Variants in ZNF423 observed in about 807,000 individuals in gnomAD.
ZNF423 encodes the protein Ebf-associated zinc finger protein.
ZNF423 carries 12 observed loss-of-function variants against 95.8 expected under a neutral mutation model. The ratio of observed to expected loss-of-function variants is 0.13; its 90% confidence interval spans 0.08 to 0.20. The LOEUF (loss-of-function observed/expected upper bound fraction) is 0.20, where lower values mean the gene tolerates loss of function less well. ZNF423 is among the 10% of genes least tolerant of loss of function. The pLI is 1.00. For missense variants in ZNF423, 1,316 were observed against 1,737.1 expected (o/e 0.76, Z 4.31); for synonymous variants, 749 against 711.9 (o/e 1.05, Z -0.83).
At chr16:49,604,160 G>A (rs1567498145) in intron 5 of ZNF423, among the ~76,000 whole-genome samples, 1 of 152,210 alleles carries the variant, frequency 6.6e-6, no homozygotes, top group Non-Finnish European at 1.5e-5. Context: ...TCAGCACCCC[G>A]CTGGCGGGCA....
chr16:49,705,754 G>A (rs1439231759), intron 3 of ZNF423, among the ~76,000 whole-genome samples: 4 of 151,730 alleles, frequency 2.6e-5, no homozygotes. Context: ...CGCCATGTTG[G>A]CTGGGCTGGT....
intron 2 of ZNF423, among the ~76,000 whole-genome samples, chr16:49,775,262 A>G (rs951348775): frequency 6.6e-6 from 1 of 152,234 alleles, no homozygotes; most frequent in African/African-American, 2.4e-5. Context: ...ATTCCTCAGC[A>G]TTCCAAGCCA....
chr16:49,808,780 C>T (rs895456613), intron 1 of ZNF423, among the ~76,000 whole-genome samples: 11 of 152,172 alleles, frequency 7.2e-5, no homozygotes, highest in African/African-American at 1.7e-4. Context: ...GTGGAAATCA[C>T]GACAAGTGTG....
At chr16:49,731,199 C>T in intron 2 of ZNF423, 1 of 561,360 alleles carries the variant, frequency 1.8e-6, no homozygotes, top group Non-Finnish European at 2.3e-6. Context: ...AGGGGGATTT[C>T]CTGTCATCTC....
chr16:49,702,823 A>G lies in ZNF423; in HGVS notation c.301+27948T>C, dbSNP rs536690819. Among the ~76,000 whole-genome samples, 3 of 152,162 alleles carry G rather than the reference A, an allele frequency of 2.0e-5. No homozygotes were observed. In the East Asian group the frequency reaches 5.8e-4, roughly 29 times the overall value. ...TCACCCACAGCCCCACACGCTTCCA[A>G]GCTCTCATCTCCAAAGGAGTTTCTC... is the stretch of plus-strand genomic sequence containing the variant. On this transcript the variant is annotated intron_variant, in intron 3 of 7. Transcript: ENST00000563137.
chr16:49,513,067 C>T (rs1159062275), intron 7 of ZNF423, among the ~76,000 whole-genome samples: 1 of 152,154 alleles, frequency 6.6e-6, no homozygotes, highest in African/African-American at 2.4e-5. Context: ...CTGCACACTC[C>T]AGACTGGGTG....
intron 1 of ZNF423, among the ~76,000 whole-genome samples, chr16:49,794,888 AT>A (rs1488855332): frequency 1.3e-5 from 2 of 152,112 alleles, no homozygotes; most frequent in African/African-American, 4.8e-5. Flanking sequence ...CAAAAATTTT[AT>A]TTTTGGAAAC....
At position 49,491,275 on chromosome 16, in the gene ZNF423, T is replaced by C; in HGVS notation, c.3879A>G (p.Ter1293TrpextTer39). ...QNHTMSQHAQ[*>W] ...GAGAGGTGTCCTGTTGAGCGATCCC[T>C]CACTGTGCGTGCTGGCTCATCGTGT... is the stretch of plus-strand genomic sequence containing the variant. The change falls in exon 8 of 8, where the codon TGA becomes TGG. Residue 1293 changes from the stop codon to tryptophan, a stop_lost. Coordinates refer to ENST00000563137, the MANE Select transcript of ZNF423 (RefSeq NM_001379286.1). The C allele has an allele frequency of 6.2e-7, 1 of 1,614,080 alleles. No individual in the cohort carries two copies. Among genetic ancestry groups the C allele is most frequent in the Non-Finnish European group, 8.5e-7 (1 of 1,180,044 alleles).
intron 2 of ZNF423, among the ~76,000 whole-genome samples, chr16:49,759,965 C>G (rs1415764410): frequency 6.7e-6 from 1 of 149,686 alleles, no homozygotes. Flanking sequence ...TACACTGTAA[C>G]CCCAGTGCCT....
At chr16:49,682,231 TCAACCCCATTTTCCCC>T (rs6145823) in intron 3 of ZNF423, among the ~76,000 whole-genome samples, 125,042 of 148,608 alleles carry the variant, frequency 0.84, 51,829 homozygotes, top group South Asian at 0.88. Context: ...CCTTTTTCTC[TCAACCCCATTTTCCCC>T]CAACCCCATT....
intron 3 of ZNF423, among the ~76,000 whole-genome samples, chr16:49,696,769 C>CA (rs2031990883): frequency 6.6e-6 from 1 of 152,184 alleles, no homozygotes; most frequent in Admixed American, 6.5e-5. Context: ...AAGCCCCCCC[C>CA]ACCCAGGGTG....
upstream of ZNF423, chr16:49,857,666 C>T (rs1020305839): frequency 6.6e-6 from 1 of 152,292 alleles, no homozygotes; most frequent in South Asian, 2.1e-4. This position sits in a 1 kb window ranked among gnomAD's most constrained non-coding sequence, Gnocchi z 6.2. Flanking sequence ...CCCGTGCGCC[C>T]CCTACACCCT....
At chr16:49,730,654 A>G (rs1415427844) in intron 3 of ZNF423, 117 bp downstream of exon 3, 5 of 1,105,396 alleles carry the variant, frequency 4.5e-6, no homozygotes, top group Non-Finnish European at 6.7e-6. Context: ...CAATAAAATG[A>G]CATTAACTGT....
intron 5 of ZNF423, among the ~76,000 whole-genome samples, chr16:49,530,552 G>A (rs1038623988): frequency 2.6e-5 from 4 of 152,264 alleles, no homozygotes; most frequent in African/African-American, 9.6e-5. Context: ...ACCAGGAGAC[G>A]CTTGACGAGC....
intron 1 of ZNF423, among the ~76,000 whole-genome samples, chr16:49,846,068 G>A (rs971569318): frequency 3.9e-5 from 6 of 152,256 alleles, no homozygotes; most frequent in East Asian, 3.9e-4. Flanking sequence ...GGATGAGGCC[G>A]AGGCAGGCGG....
intron 1 of ZNF423, among the ~76,000 whole-genome samples, chr16:49,793,246 G>T (rs1317752899): frequency 6.6e-6 from 1 of 152,078 alleles, no homozygotes; most frequent in Non-Finnish European, 1.5e-5. Context: ...AGGAAGGAGG[G>T]CCCGTCTGCA....
In ZNF423 at chr16:49,636,433, G is replaced by A. The variant is rs544721667; in HGVS notation, c.2743C>T (p.Arg915Trp). ...TCGCCCGGCCGGATATTGTGGTCCC[G>A]CAGCCGGTGATTCTGCAGCAGCACC... ...MEVLLQNHRL[R>W]DHNIRPGEDD... is the part of the protein sequence containing the mutation. The change falls in exon 4 of 8, where the codon CGG becomes TGG. Residue 915 changes from arginine (R) to tryptophan (W), a missense_variant. Coordinates refer to ENST00000563137, the MANE Select transcript of ZNF423 (RefSeq NM_001379286.1). The surrounding 1 kb of genome is among the most constrained non-coding windows in gnomAD (Gnocchi z 8.6). 3.3e-5 allele frequency: 53 copies of A among 1,613,306 alleles called. No individual in the cohort carries two copies. The highest frequency in any genetic ancestry group is 1.6e-4 in the Middle Eastern group (1 of 6,062).
chr16:49,806,469 A>T (rs1246854558), intron 1 of ZNF423, among the ~76,000 whole-genome samples: 1 of 152,194 alleles, frequency 6.6e-6, no homozygotes, highest in Non-Finnish European at 1.5e-5. Context: ...AAGCACTATA[A>T]AGTAGAAACT....
chr16:49,753,862 C>T (rs2033675842), intron 2 of ZNF423, among the ~76,000 whole-genome samples: 1 of 152,144 alleles, frequency 6.6e-6, no homozygotes, highest in African/African-American at 2.4e-5. Context: ...AAAACCCCGT[C>T]TCTACTAAAA....
Sources: gnomAD v4.1 joint callset for allele counts (sites outside exome capture counted in the v4.1 genomes callset) on GRCh38, gnomAD v4.1.1 for gene constraint, Gnocchi (gnomAD v3.1) non-coding constraint, MANE v1.5 for transcripts, NCBI Gene and HGNC (gene_info 2026-07-23, HGNC 2026-07-21) for gene names.